Variants in PCDH15 observed in about 807,000 individuals in gnomAD.
PCDH15 encodes protocadherin related 15.
A neutral mutation model predicts 178.5 loss-of-function variants in PCDH15; 129 were observed. The observed-to-expected ratio is 0.72, with a 90% CI of 0.63 to 0.84. PCDH15 has a LOEUF of 0.84. Among genes scored for constraint, PCDH15 ranks in the 40% least tolerant of loss-of-function variants. The pLI, the probability that PCDH15 is intolerant of heterozygous loss-of-function variation, is 0.00. For missense variants in PCDH15, 2,230 were observed against 2,099.9 expected, an observed-to-expected ratio of 1.06 and a Z score of -1.21; for synonymous variants, 800 against 732.0, an observed-to-expected ratio of 1.09 and a Z score of -1.50.
In PCDH15 at chr10:54,442,443, T is replaced by TATATAA. The variant is rs2075874446; in HGVS notation, c.158-63502_158-63501insTTATAT. ...ATATATATATATATATATATATATATATATATATATATATATACAGTCTTT... is the reference window on the plus strand; with the variant it reads ...ATATATATATATATATATATATATATATATAAATATATATATATATATACAGTCTTT... On this transcript the variant is annotated intron_variant, in intron 3 of 37. Coordinates refer to ENST00000644397, the MANE Select transcript of PCDH15 (RefSeq NM_001384140.1). Among the ~76,000 whole-genome samples the TATATAA allele has an allele frequency of 9.1e-5, 11 of 121,040 alleles. 1 individual carries two copies. Among genetic ancestry groups the TATATAA allele is most frequent in the Non-Finnish European group, 3.4e-5 (2 of 59,594 alleles). 79.4% of individuals were successfully genotyped at this position (121,040 alleles called of 152,430 possible). A position where few individuals can be genotyped will look rare whatever the true frequency, so the allele number is the denominator to read the frequency against.
Position 53,806,704 on chromosome 10 carries a change from A to T in PCDH15, c.5098T>A (p.Ser1700Thr), listed in dbSNP as rs773044058. The change falls in exon 38 of 38, where the codon TCC (serine) becomes ACC (threonine). Residue 1700 changes from serine (S) to threonine (T), a missense_variant. Physicochemically the swap from Ser to Thr is moderately conservative, Grantham distance 58. Coordinates refer to ENST00000644397, the MANE Select transcript of PCDH15 (RefSeq NM_001384140.1). ...TTGATGTTCTTACTGTCAATCATGG[A>T]CTCCTGTTCAACTGTGCTTTTCAGC... is the stretch of plus-strand genomic sequence containing the variant. Reference protein sequence around the residue: ...NRLKSTVEQESMIDSKNIKEA... With the variant: ...NRLKSTVEQETMIDSKNIKEA... The T allele has an allele frequency of 1.2e-6, 2 of 1,613,234 alleles. No homozygotes were observed. Among genetic ancestry groups the T allele is most frequent in the Non-Finnish European group, 1.7e-6 (2 of 1,179,650 alleles).
chr10:55,061,322 T>C (rs1015861058), intron 2 of PCDH15, among the ~76,000 whole-genome samples: 6 of 152,152 alleles, frequency 3.9e-5, no homozygotes, highest in Non-Finnish European at 7.3e-5. Context: ...CCACATCATA[T>C]ATCACAAAGG....
intron 3 of PCDH15, among the ~76,000 whole-genome samples, chr10:54,527,421 G>C (rs1358238501): frequency 1.3e-5 from 2 of 152,036 alleles, no homozygotes; most frequent in African/African-American, 2.4e-5. Context: ...ATCCTTACCA[G>C]ATCCCAGCCA....
chr10:54,183,429 T>C lies in PCDH15; in HGVS notation c.1590+15A>G, dbSNP rs565203752. ...AACAGCTTTGAGTGTACACTTATAT[T>C]ATGTGAGTAGTTACCTGTATGACAC... On this transcript the variant is annotated intron_variant, in intron 13 of 37. Coordinates refer to ENST00000644397, the MANE Select transcript of PCDH15 (RefSeq NM_001384140.1). The C allele has an allele frequency of 7.1e-4, 1,140 of 1,594,570 alleles. 5 individuals are homozygous for C. In the African/African-American group the frequency reaches 0.013, roughly 18 times the overall value.
chr10:53,893,070 C>A (rs1447188482), intron 26 of PCDH15, among the ~76,000 whole-genome samples: 2 of 151,188 alleles, frequency 1.3e-5, no homozygotes, highest in East Asian at 1.9e-4. Flanking sequence ...TCTAAAATTG[C>A]CAAAGATGGA....
At chr10:54,318,827 T>C (rs1417339479) in intron 7 of PCDH15, among the ~76,000 whole-genome samples, 1 of 152,210 alleles carries the variant, frequency 6.6e-6, no homozygotes, top group Non-Finnish European at 1.5e-5. Flanking sequence ...ATGATTAATA[T>C]GACTTATCAC....
rs2799587 is a variant in PCDH15 at position 55,151,102 on chromosome 10, G to A, written c.-80+15474C>T. 3.3e-5 allele frequency among the ~76,000 whole-genome samples: 5 copies of A among 152,114 alleles called. No homozygotes were observed. In the East Asian group the frequency reaches 9.7e-4, roughly 30 times the overall value. ...CCATTGTGCCTTTCGTAGATCCCAC[G>A]GCATATTCTTTAAGAGCAAAAATTA... On this transcript the variant is annotated intron_variant, in intron 2 of 5. Coordinates refer to the PCDH15 transcript ENST00000458638.
intron 2 of PCDH15, among the ~76,000 whole-genome samples, chr10:55,111,139 A>G (rs1213674008): frequency 6.6e-6 from 1 of 152,204 alleles, no homozygotes; most frequent in Non-Finnish European, 1.5e-5. Flanking sequence ...AAGCAGTAGA[A>G]TAAGAAAACA....
chr10:55,518,204 T>C (rs1247844928), intron 2 of PCDH15, among the ~76,000 whole-genome samples: 2 of 152,116 alleles, frequency 1.3e-5, no homozygotes, highest in Non-Finnish European at 2.9e-5. Context: ...TATTCTGTCA[T>C]TCCCTCTTTA....
intron 1 of PCDH15, among the ~76,000 whole-genome samples, chr10:54,736,773 A>G (rs1274017229): frequency 6.6e-6 from 1 of 151,974 alleles, no homozygotes; most frequent in South Asian, 2.1e-4. Context: ...CATGTCCCAT[A>G]TTTTTGTTAG....
intron 2 of PCDH15, among the ~76,000 whole-genome samples, chr10:55,071,863 C>A (rs1443294191): frequency 6.6e-6 from 1 of 152,114 alleles, no homozygotes; most frequent in Non-Finnish European, 1.5e-5. Flanking sequence ...CTCTCCTCAG[C>A]CAATGTGAAA....
At chr10:54,461,772 ATTT>A (rs1362036715) in intron 3 of PCDH15, among the ~76,000 whole-genome samples, 3 of 152,124 alleles carry the variant, frequency 2.0e-5, no homozygotes, top group Admixed American at 6.6e-5. Flanking sequence ...TTAATATTTA[ATTT>A]TTAACAAATT....
At chr10:53,961,605 A>T in intron 22 of PCDH15, 147 bp downstream of exon 22, 6 of 528,110 alleles carry the variant, frequency 1.1e-5, no homozygotes, top group Admixed American at 8.0e-5. Context: ...CTATTTTTGT[A>T]AGTTTCTAAG....
intron 3 of PCDH15, among the ~76,000 whole-genome samples, chr10:54,472,828 A>T (rs2136721248): frequency 6.6e-6 from 1 of 152,280 alleles, no homozygotes; most frequent in East Asian, 1.9e-4. Flanking sequence ...GCACATAGGT[A>T]GAGGCATGGG....
chr10:54,617,583 T>A (rs937421301), intron 2 of PCDH15, among the ~76,000 whole-genome samples: 12 of 151,898 alleles, frequency 7.9e-5, no homozygotes, highest in African/African-American at 2.9e-4. Context: ...CATTGATGAA[T>A]AGCATAGTAT....
At chr10:55,033,639 G>C (rs906514138) in intron 2 of PCDH15, among the ~76,000 whole-genome samples, 1 of 152,138 alleles carries the variant, frequency 6.6e-6, no homozygotes. Context: ...AAACACTCTT[G>C]AGTTTCACTT....
chr10:54,231,837 G>T (rs1564741559), intron 9 of PCDH15, among the ~76,000 whole-genome samples: 3 of 152,136 alleles, frequency 2.0e-5, no homozygotes, highest in Non-Finnish European at 4.4e-5. Flanking sequence ...CCTTTGCTTT[G>T]GCTGATTTCT....
intron 3 of PCDH15, among the ~76,000 whole-genome samples, chr10:54,390,706 A>G (rs1382821285): frequency 2.0e-5 from 3 of 152,196 alleles, no homozygotes; most frequent in Non-Finnish European, 4.4e-5. Flanking sequence ...GAGAGATGGT[A>G]TAAGTGGGTC....
At chr10:54,411,935 G>A (rs1240797470) in intron 3 of PCDH15, among the ~76,000 whole-genome samples, 1 of 152,242 alleles carries the variant, frequency 6.6e-6, no homozygotes, top group East Asian at 1.9e-4. Flanking sequence ...TCAGTTAAAG[G>A]CAACTGGGGA....
Sources: gnomAD v4.1 joint callset for allele counts (sites outside exome capture counted in the v4.1 genomes callset) on GRCh38, gnomAD v4.1.1 for gene constraint, MANE v1.5 for transcripts, NCBI Gene and HGNC (gene_info 2026-07-23, HGNC 2026-07-21) for gene names.